The following STRN variants were observed in gnomAD, a reference collection of about 807,000 sequenced individuals.
The protein encoded by STRN is striatin, also known as protein phosphatase 2 regulatory subunit B'''alpha.
A neutral mutation model predicts 96.3 loss-of-function variants in STRN; 53 were observed. That is an observed-to-expected ratio of 0.55 (90% confidence interval 0.44 to 0.69). The LOEUF (loss-of-function observed/expected upper bound fraction) is 0.69. Ranked by LOEUF, STRN falls within the 30% of genes least tolerant of loss-of-function variation. The probability of loss-of-function intolerance (pLI) is 0.00; values close to 1 mark genes in which losing one functional copy is unlikely to be tolerated. For missense variants in STRN, 987 were observed against 963.9 expected (o/e 1.02, Z -0.32); for synonymous variants, 428 against 355.9 (o/e 1.20, Z -2.28).
At chr2:36,893,783 A>C in intron 7 of STRN, 115 bp downstream of exon 7, 1 of 1,295,974 alleles carries the variant, frequency 7.7e-7, no homozygotes, top group South Asian at 1.6e-5. Flanking sequence ...AGTAGTAATA[A>C]GTTCACAGAA....
At chr2:36,875,153 C>T (rs1029737759) in intron 10 of STRN, among the ~76,000 whole-genome samples, 1 of 152,034 alleles carries the variant, frequency 6.6e-6, no homozygotes, top group Non-Finnish European at 1.5e-5. Context: ...AGGGTACCCA[C>T]TGAAGAGTAG....
chr2:36,915,995 T>C (rs1670087520), intron 3 of STRN, 83 bp downstream of exon 3: 2 of 1,217,056 alleles, frequency 1.6e-6, no homozygotes, highest in South Asian at 2.6e-5. Flanking sequence ...AATTAGAAAG[T>C]AACTTACAGT....
At chr2:36,876,972 TCTC>T (rs1283666555) in intron 10 of STRN, among the ~76,000 whole-genome samples, 3 of 152,070 alleles carry the variant, frequency 2.0e-5, no homozygotes, top group Non-Finnish European at 2.9e-5. Context: ...ATGGTCCCGA[TCTC>T]CTGACCTCGT....
intron 1 of STRN, among the ~76,000 whole-genome samples, chr2:36,962,776 G>C (rs1472420945): frequency 1.3e-5 from 2 of 152,084 alleles, no homozygotes; most frequent in Non-Finnish European, 2.9e-5. Context: ...CAAAGTGCTG[G>C]GGATTACAGG....
At chr2:36,946,957 G>A (rs576397125) in intron 1 of STRN, among the ~76,000 whole-genome samples, 1 of 151,872 alleles carries the variant, frequency 6.6e-6, no homozygotes, top group African/African-American at 2.4e-5. Context: ...GTGCAGTGGT[G>A]AGATTTCGGC....
chr2:36,924,018 T>C (rs560128600), intron 2 of STRN, among the ~76,000 whole-genome samples: 15 of 152,182 alleles, frequency 9.9e-5, no homozygotes, highest in African/African-American at 3.6e-4. Context: ...GATAAGCTTC[T>C]GGAGAGATTG....
At chr2:36,856,230 G>T (rs900523249) in intron 14 of STRN, among the ~76,000 whole-genome samples, 1 of 152,132 alleles carries the variant, frequency 6.6e-6, no homozygotes, top group Non-Finnish European at 1.5e-5. Flanking sequence ...GTGTAAAATG[G>T]TACAACTACA....
intron 6 of STRN, among the ~76,000 whole-genome samples, chr2:36,896,785 T>C (rs901466632): frequency 6.6e-6 from 1 of 152,186 alleles, no homozygotes; most frequent in Non-Finnish European, 1.5e-5. Context: ...TCACACAGTT[T>C]GAAACTGATC....
In STRN at chr2:36,901,567, AAAC is replaced by A. The variant is rs199824455; in HGVS notation, c.659+1014_659+1016del. ...ACTCCGCCTCAAAAAAAAAAAAAAA[AAAC>A]ATTTATACTATCTAAGTTAACTTGA... is the stretch of plus-strand genomic sequence containing the variant. On this transcript the variant is annotated intron_variant, in intron 5 of 17. Coordinates refer to ENST00000263918, the MANE Select transcript of STRN (RefSeq NM_003162.4). Among the ~76,000 whole-genome samples the A allele has an allele frequency of 7.5e-3, 1,082 of 144,974 alleles. 18 individuals are homozygous for A. The highest frequency in any genetic ancestry group is 0.028 in the African/African-American group (1,033 of 37,242).
chr2:36,854,890 C>T (rs553685303), intron 15 of STRN, among the ~76,000 whole-genome samples: 16 of 152,150 alleles, frequency 1.1e-4, no homozygotes, highest in African/African-American at 3.9e-4. Context: ...TATGAAATTA[C>T]GAGAAATGAA....
chr2:36,849,537 C>A lies in STRN; in HGVS notation c.2262G>T (p.Ser754=), dbSNP rs779897251. The A allele has an allele frequency of 3.1e-6, 5 of 1,614,048 alleles. No individual in the cohort carries two copies. In the Admixed American group the frequency reaches 5.0e-5, roughly 16 times the overall value. ...ATGGGTGGAAAGCTACATCATGAAT[C>A]GATTCTTCAAACTTTTTTCGATGAG... ...FTAHRKKFEE[S]IHDVAFHPSK... is the part of the protein sequence containing the mutation. Residue 754 remains serine (S), a synonymous_variant, in exon 18 of 18, where the codon TCG becomes TCT. Coordinates refer to ENST00000263918, the MANE Select transcript of STRN (RefSeq NM_003162.4).
rs1012281918 is a variant in STRN, at chr2:36,840,642, T to G, written c.*8814A>C. 17 of 152,084 alleles carry G rather than the reference T, an allele frequency of 1.1e-4. No individual in the cohort carries two copies. Among genetic ancestry groups the G allele is most frequent in the African/African-American group, 4.1e-4 (17 of 41,426 alleles). The allele number at this position is 152,084 out of a possible 1,614,324, so 9.4% of individuals were successfully genotyped here. Reference sequence around the variant, plus strand: ...AAATATTTATAGGGTACCTTTTATATGGCAAGGCACCAGGCACAGTGCTAA... The same window carrying G: ...AAATATTTATAGGGTACCTTTTATAGGGCAAGGCACCAGGCACAGTGCTAA... On this transcript the variant is annotated 3_prime_UTR_variant, in exon 18 of 18. Coordinates refer to ENST00000263918, the MANE Select transcript of STRN (RefSeq NM_003162.4).
At chr2:36,883,367 G>C (rs552187437) in intron 9 of STRN, among the ~76,000 whole-genome samples, 14 of 152,194 alleles carry the variant, frequency 9.2e-5, no homozygotes, top group African/African-American at 3.1e-4. Flanking sequence ...TAAGGCAAGA[G>C]AATCACTTGA....
intron 7 of STRN, among the ~76,000 whole-genome samples, chr2:36,889,122 G>A (rs1669320066): frequency 6.6e-6 from 1 of 152,112 alleles, no homozygotes; most frequent in South Asian, 2.1e-4. Context: ...TTAGTTGAAT[G>A]TAAGCACCAG....
At chr2:36,902,881 G>A (rs1027515024) in intron 4 of STRN, 130 bp from the exon 5 acceptor site, 2 of 633,194 alleles carry the variant, frequency 3.2e-6, no homozygotes, top group East Asian at 6.7e-5. Flanking sequence ...ATGCTAGTAA[G>A]ACTTGTTAAT....
At chr2:36,865,063 G>T (rs1183337164) in intron 12 of STRN, among the ~76,000 whole-genome samples, 1 of 152,146 alleles carries the variant, frequency 6.6e-6, no homozygotes, top group Non-Finnish European at 1.5e-5. Flanking sequence ...GGCGCCAGTT[G>T]TTCTTTATGC....
chr2:36,840,950 A>T lies in STRN; in HGVS notation c.*8506T>A, dbSNP rs1667937287. On this transcript the variant is annotated 3_prime_UTR_variant, in exon 18 of 18. Coordinates refer to ENST00000263918, the MANE Select transcript of STRN (RefSeq NM_003162.4). ...AAAAATAATTTCTGAAAATCACAGG[A>T]AAGAAAACTTTTGTGTATTTATTAG... The T allele has an allele frequency of 6.6e-6, 1 of 152,198 alleles. No homozygotes were observed. Among genetic ancestry groups the T allele is most frequent in the South Asian group, 2.1e-4 (1 of 4,838 alleles). 9.4% of individuals were successfully genotyped at this position (152,198 alleles called of 1,614,324 possible).
intron 12 of STRN, chr2:36,867,579 G>A: frequency 3.3e-6 from 1 of 299,908 alleles, no homozygotes; most frequent in East Asian, 5.3e-5. Context: ...CTAGTTTAAA[G>A]ATATAAATAC....
intron 11 of STRN, among the ~76,000 whole-genome samples, chr2:36,868,222 G>C (rs541367283): frequency 6.6e-6 from 1 of 151,018 alleles, no homozygotes. Flanking sequence ...TAATCTTTCT[G>C]AACTTCAGAT....
Sources: allele counts gnomAD v4.1 joint callset (sites outside exome capture counted in the v4.1 genomes callset), GRCh38; gene constraint gnomAD v4.1.1; transcripts MANE v1.5; gene names NCBI Gene and HGNC (gene_info 2026-07-23, HGNC 2026-07-21).